CCR6: variants seen among roughly 807,000 people sequenced by gnomAD.
CCR6 encodes C-C chemokine receptor type 6.
A neutral mutation model predicts 3.0 loss-of-function variants in CCR6; 2 were observed. The ratio of observed to expected loss-of-function variants is 0.66; its 90% CI spans 0.27 to 2.07. The LOEUF is 2.07. Ranked by LOEUF, CCR6 falls within the 30% of genes most tolerant of loss-of-function variation. The pLI, the probability that CCR6 is intolerant of heterozygous loss-of-function variation, is 0.14. For missense variants in CCR6, 322 were observed against 462.8 expected (o/e 0.70, Z 2.79); for synonymous variants, 193 against 184.3 (o/e 1.05, Z -0.38).
In CCR6 at chr6:167,136,715, C is replaced by G; in HGVS notation, c.485C>G (p.Pro162Arg). 6.2e-7 allele frequency: 1 copy of G among 1,614,060 alleles called. No individual in the cohort carries two copies. Among genetic ancestry groups the G allele is most frequent in the Non-Finnish European group, 8.5e-7 (1 of 1,180,020 alleles). The part of the protein sequence containing the change: ...KSFRLRSRTL[P>R]RSKIICLVVW... ...TTCCGGCTCCGATCCAGAACACTAC[C>G]GCGCAGCAAAATCATCTGCCTTGTT... The change falls in exon 3 of 3, where the codon CCG becomes CGG. Residue 162 changes from proline (P) to arginine (R), a missense_variant. Coordinates refer to ENST00000341935, the MANE Select transcript of CCR6 (RefSeq NM_031409.4). The surrounding 1 kb of genome is among the most constrained non-coding windows in gnomAD (Gnocchi z 4.6).
upstream of CCR6, among the ~76,000 whole-genome samples, chr6:167,118,242 G>A (rs567303180): frequency 6.6e-6 from 1 of 152,178 alleles, no homozygotes; most frequent in Non-Finnish European, 1.5e-5. Context: ...TGCACCTAAT[G>A]CTGTGTGAGG....
Position 167,126,836 on chromosome 6 carries a change from T to A in CCR6, c.-98+3613T>A, listed in dbSNP as rs147801259. Among the ~76,000 whole-genome samples, 398 of 152,224 alleles carry A rather than the reference T, an allele frequency of 2.6e-3. 2 individuals are homozygous for A. The highest frequency in any genetic ancestry group is 9.2e-3 in the African/African-American group (382 of 41,526). ...AGTGAGTTCTCACGGGATCTGATGGTTTTACAGGGGGCTTCCCTCTTCGCT... is the reference window on the plus strand; with the variant it reads ...AGTGAGTTCTCACGGGATCTGATGGATTTACAGGGGGCTTCCCTCTTCGCT... On this transcript the variant is annotated intron_variant, in intron 1 of 2. Coordinates refer to ENST00000341935, the MANE Select transcript of CCR6 (RefSeq NM_031409.4).
chr6:167,126,864 G>A (rs1227686203), intron 1 of CCR6, among the ~76,000 whole-genome samples: 1 of 152,146 alleles, frequency 6.6e-6, no homozygotes, highest in Non-Finnish European at 1.5e-5. Flanking sequence ...TCTTCGCTGG[G>A]CACTCATTCT....
rs933190177 is a variant in CCR6 at position 167,137,415 on chromosome 6, A to G, written c.*60A>G. The stretch of plus-strand genomic sequence containing the variant: ...CATACTCATAGATGTTATGCAAAAA[A>G]AAGTCTATGGCCAGGTATGCATGGA... On this transcript the variant is annotated 3_prime_UTR_variant, in exon 3 of 3. Coordinates refer to ENST00000341935, the MANE Select transcript of CCR6 (RefSeq NM_031409.4). This position sits in a 1 kb window ranked among gnomAD's most constrained non-coding sequence, Gnocchi z 4.6. 12 of 1,497,162 alleles carry G rather than the reference A, an allele frequency of 8.0e-6. No individual in the cohort carries two copies. The Admixed American group carries it at 2.4e-4, about 30-fold the overall frequency. 92.7% of individuals were successfully genotyped at this position (1,497,162 alleles called of 1,614,324 possible).
intron 1 of CCR6, among the ~76,000 whole-genome samples, chr6:167,135,395 G>A (rs755008541): frequency 1.1e-4 from 17 of 152,344 alleles, no homozygotes; most frequent in South Asian, 2.1e-4. Context: ...AAAGGTCTGC[G>A]GCTGTGGAGA....
chr6:167,132,601 C>T (rs1331788706), intron 1 of CCR6, among the ~76,000 whole-genome samples: 5 of 152,228 alleles, frequency 3.3e-5, no homozygotes, highest in African/African-American at 9.6e-5. Context: ...ACTGCAGTGG[C>T]GTAATCTCAG....
intron 1 of CCR6, among the ~76,000 whole-genome samples, chr6:167,117,477 C>T (rs1781516587): frequency 7.1e-6 from 1 of 140,040 alleles, no homozygotes; most frequent in South Asian, 2.2e-4. Flanking sequence ...AGCGCAGTGG[C>T]ACGATCTCGA....
At chr6:167,116,848 G>A (rs1781500272) in intron 1 of CCR6, 1 of 152,308 alleles carries the variant, frequency 6.6e-6, no homozygotes, top group Non-Finnish European at 1.5e-5. Context: ...CCTGATTTTA[G>A]CACAGACGTT....
Position 167,137,512 on chromosome 6 carries a change from T to C in CCR6, c.*157T>C, listed in dbSNP as rs1253934682. On this transcript the variant is annotated 3_prime_UTR_variant, in exon 3 of 3. Coordinates refer to ENST00000341935, the MANE Select transcript of CCR6 (RefSeq NM_031409.4). This position sits in a 1 kb window ranked among gnomAD's most constrained non-coding sequence, Gnocchi z 4.6. ...CTTAACGTGCTCATGGGCTGTGTGA[T>C]CTCTTCAGGGTGGGGTGGTCTCTGA... is the stretch of plus-strand genomic sequence containing the variant. 1 of 681,660 alleles carries C rather than the reference T, an allele frequency of 1.5e-6. No homozygotes were observed. Among genetic ancestry groups the C allele is most frequent in the East Asian group, 2.7e-5 (1 of 36,614 alleles). 42.2% of individuals were successfully genotyped at this position (681,660 alleles called of 1,614,324 possible).
At chr6:167,128,554 T>C (rs1231627476) in intron 1 of CCR6, among the ~76,000 whole-genome samples, 3 of 152,214 alleles carry the variant, frequency 2.0e-5, no homozygotes, top group Non-Finnish European at 4.4e-5. Context: ...TCTGTGTAGT[T>C]GCTTATTTAT....
chr6:167,113,525 G>A (rs1781445873), intron 1 of CCR6, among the ~76,000 whole-genome samples: 1 of 152,200 alleles, frequency 6.6e-6, no homozygotes, highest in Non-Finnish European at 1.5e-5. Context: ...AAGGATCTCA[G>A]TGTGGAATTT....
upstream of CCR6, among the ~76,000 whole-genome samples, chr6:167,118,501 G>T (rs545538172): frequency 6.6e-6 from 1 of 151,994 alleles, no homozygotes; most frequent in South Asian, 2.1e-4. Flanking sequence ...GTTCTTCTAC[G>T]TAGAAATAAA....
At chr6:167,135,670 G>A (rs529249421) in intron 1 of CCR6, among the ~76,000 whole-genome samples, 1 of 152,184 alleles carries the variant, frequency 6.6e-6, no homozygotes, top group South Asian at 2.1e-4. Context: ...TTTTTGTGCA[G>A]ATCAAAACTT....
Position 167,137,396 on chromosome 6 carries a change from C to T in CCR6, c.*41C>T, listed in dbSNP as rs1472732336. ...CCCTAAGGCATGTGTGAAACATACT[C>T]ATAGATGTTATGCAAAAAAAAGTCT... On this transcript the variant is annotated 3_prime_UTR_variant, in exon 3 of 3. Coordinates refer to ENST00000341935, the MANE Select transcript of CCR6 (RefSeq NM_031409.4). The surrounding 1 kb of genome is among the most constrained non-coding windows in gnomAD (Gnocchi z 4.6). The T allele has an allele frequency of 6.5e-7, 1 of 1,539,274 alleles. No homozygotes were observed.
upstream of CCR6, chr6:167,122,866 T>C (rs1781609544): frequency 1.3e-5 from 2 of 152,334 alleles, no homozygotes; most frequent in Admixed American, 1.3e-4. This position sits in a 1 kb window ranked among gnomAD's most constrained non-coding sequence, Gnocchi z 4.2. Flanking sequence ...TACAAACTCA[T>C]TGCTGCAAAT....
chr6:167,122,348 A>T (rs3093022), upstream of CCR6, among the ~76,000 whole-genome samples: 1 of 152,170 alleles, frequency 6.6e-6, no homozygotes, highest in African/African-American at 2.4e-5. This position sits in a 1 kb window ranked among gnomAD's most constrained non-coding sequence, Gnocchi z 4.2. Flanking sequence ...AAGCACTTGC[A>T]TCTACAAATA....
chr6:167,117,887 G>A (rs1293333451), upstream of CCR6, among the ~76,000 whole-genome samples: 1 of 151,444 alleles, frequency 6.6e-6, no homozygotes, highest in East Asian at 1.9e-4. Flanking sequence ...GAAACGCGCA[G>A]GTCGCTTTTC....
At chr6:167,126,301 A>C (rs1781667909) in intron 1 of CCR6, 1 of 152,248 alleles carries the variant, frequency 6.6e-6, no homozygotes, top group Non-Finnish European at 1.5e-5. Flanking sequence ...AAAGCCATTA[A>C]AAATATCTTT....
At position 167,130,992 on chromosome 6, in the gene CCR6, C is replaced by CCTCCCTCCGGGACT. The variant is rs1562559673; in HGVS notation, c.-97-5045_-97-5044insTCCCTCCGGGACTC. On this transcript the variant is annotated intron_variant, in intron 1 of 2. Coordinates refer to ENST00000341935, the MANE Select transcript of CCR6 (RefSeq NM_031409.4). The stretch of plus-strand genomic sequence containing the variant: ...TCTGGGACCACCCTCCCTCTGGACC[C>CCTCCCTCCGGGACT]CCTCCCTTTGGGACCCCTCCTTCTG... 4.6e-4 allele frequency among the ~76,000 whole-genome samples: 55 copies of CCTCCCTCCGGGACT among 118,288 alleles called. 1 individual carries two copies. The highest frequency in any genetic ancestry group is 1.3e-3 in the African/African-American group (36 of 27,722). 77.6% of individuals were successfully genotyped at this position (118,288 alleles called of 152,430 possible). A position where few individuals can be genotyped will look rare whatever the true frequency, so the allele number is the denominator to read the frequency against.
Sources: allele counts gnomAD v4.1 joint callset (sites outside exome capture counted in the v4.1 genomes callset), GRCh38; gene constraint gnomAD v4.1.1; non-coding constraint Gnocchi (gnomAD v3.1); transcripts MANE v1.5; gene names NCBI Gene and HGNC (gene_info 2026-07-23, HGNC 2026-07-21).